Variants in DPP9 observed in about 807,000 individuals in gnomAD.
DPP9 encodes the protein dipeptidyl peptidase 9, also known as dipeptidyl peptidase IV-related protein-2.
Under a neutral mutation model 110.7 loss-of-function variants are expected in DPP9, and 50 were observed. That is an observed-to-expected ratio of 0.45 (90% CI 0.36 to 0.57). The LOEUF (loss-of-function observed/expected upper bound fraction) is 0.57, where lower values mean the gene tolerates loss of function less well. Among genes scored for constraint, DPP9 ranks in the 20% least tolerant of loss-of-function variants. The pLI is 0.00. For synonymous variants in DPP9, 561 were observed against 514.4 expected, an observed-to-expected ratio of 1.09 and a Z score of -1.23; for missense variants, 1,022 against 1,217.9, an observed-to-expected ratio of 0.84 and a Z score of 2.39.
intron 4 of DPP9, among the ~76,000 whole-genome samples, chr19:4,708,405 C>T (rs907013445): frequency 3.9e-4 from 60 of 152,232 alleles, no homozygotes; most frequent in African/African-American, 1.4e-3. Flanking sequence ...CCAGCCCCAT[C>T]TGGGGACGGT....
intron 2 of DPP9, 80 bp downstream of exon 2, chr19:4,722,419 T>C (rs2093362660): frequency 2.9e-6 from 2 of 678,668 alleles, no homozygotes; most frequent in South Asian, 3.1e-5. Flanking sequence ...CCTGCCCATG[T>C]CTATATTCTA....
chr19:4,696,479 G>T (rs1290398619), intron 11 of DPP9, among the ~76,000 whole-genome samples: 1 of 147,282 alleles, frequency 6.8e-6, no homozygotes, highest in African/African-American at 2.5e-5. Flanking sequence ...AAAAAAAAAA[G>T]TCCAGGCACA....
chr19:4,681,813 G>A (rs1474130105), intron 20 of DPP9, among the ~76,000 whole-genome samples: 1 of 147,144 alleles, frequency 6.8e-6, no homozygotes. Flanking sequence ...CAATCCTCCT[G>A]CCTTGGCCTC....
rs1265674054 is a variant in DPP9 at position 4,694,688 on chromosome 19, A to T, written c.1489T>A (p.Trp497Arg). The T allele has an allele frequency of 6.2e-7, 1 of 1,612,626 alleles. No homozygotes were observed. ...TAVLKSQGYD[W>R]SEPFSPGEDE... ...TCCCCGGGGCTGAAGGGCTCACTCC[A>T]ATCGTAGCCCTGGGATTTTAAAACG... Residue 497 changes from tryptophan to arginine, a missense_variant, in exon 13 of 22, where the codon TGG becomes AGG. By Grantham distance (101) the Trp-to-Arg change is moderately radical (BLOSUM62 -3). Around this residue, in one of 3 missense-constraint regions of DPP9, gnomAD observed 810 missense variants for 920.6 expected, o/e 0.88. Coordinates refer to ENST00000262960, the MANE Select transcript of DPP9 (RefSeq NM_139159.5). This position sits in a 1 kb window ranked among gnomAD's most constrained non-coding sequence, Gnocchi z 4.0.
chr19:4,714,364 G>T (rs767265987), intron 3 of DPP9, 27 bp from the exon 4 acceptor site: 15 of 1,466,444 alleles, frequency 1.0e-5, no homozygotes, highest in Non-Finnish European at 1.4e-5. Flanking sequence ...AAGACTATGA[G>T]AAAGGAGAAC....
At position 4,685,612 on chromosome 19, in the gene DPP9, A is replaced by G. The variant is rs951314446; in HGVS notation, c.2031+14T>C. On this transcript the variant is annotated intron_variant, in intron 17 of 21. Transcript: ENST00000262960. The surrounding 1 kb of genome is among the most constrained non-coding windows in gnomAD (Gnocchi z 5.8). The stretch of plus-strand genomic sequence containing the variant: ...ATGGTGGGGTGGGGGCCTGGGGAGC[A>G]GGTGTGCACTCACCTGGGGGCCTCC... 6 of 1,596,032 alleles carry G rather than the reference A, an allele frequency of 3.8e-6. No individual in the cohort carries two copies. In the Admixed American group the frequency reaches 1.1e-4, roughly 28 times the overall value.
At chr19:4,683,896 A>T (rs2090293757) in intron 18 of DPP9, 2 of 1,306,240 alleles carry the variant, frequency 1.5e-6, no homozygotes, top group Admixed American at 4.3e-5. Context: ...CCCATCCCTA[A>T]TAAAGGGACA....
chr19:4,680,145 G>A (rs1032375801), intron 20 of DPP9, among the ~76,000 whole-genome samples, 199 bp from the exon 21 acceptor site: 3 of 151,542 alleles, frequency 2.0e-5, no homozygotes, highest in East Asian at 1.9e-4. Context: ...GCTGAGGCAG[G>A]AGAACTGCTT....
At chr19:4,713,258 GGC>G (rs1421472175) in intron 4 of DPP9, among the ~76,000 whole-genome samples, 1 of 152,234 alleles carries the variant, frequency 6.6e-6, no homozygotes. Flanking sequence ...ACACAGGCCT[GGC>G]TGATCTCTCC....
rs1187428055 is a variant in DPP9 at position 4,710,056 on chromosome 19, A to AC, written c.313+4024dup. Among the ~76,000 whole-genome samples the AC allele has an allele frequency of 6.6e-6, 1 of 152,186 alleles. No individual in the cohort carries two copies. The highest frequency in any genetic ancestry group is 1.5e-5 in the Non-Finnish European group (1 of 68,030). ...GCCTTTGAGGCAAGGGCTAGAGGTG[A>AC]CCGCCAAGGGCTGTGGATTTCTGCT... On this transcript the variant is annotated intron_variant, in intron 4 of 21. Coordinates refer to ENST00000262960, the MANE Select transcript of DPP9 (RefSeq NM_139159.5). The surrounding 1 kb of genome is among the most constrained non-coding windows in gnomAD (Gnocchi z 5.6).
chr19:4,720,775 T>A (rs1321003527), intron 2 of DPP9, among the ~76,000 whole-genome samples: 4 of 152,100 alleles, frequency 2.6e-5, no homozygotes, highest in Non-Finnish European at 4.4e-5. Flanking sequence ...CCACCTCAAA[T>A]GTCAGCAATG....
In DPP9 at chr19:4,685,498, C is replaced by T; in HGVS notation, c.2031+128G>A. 2 of 1,091,020 alleles carry T rather than the reference C, an allele frequency of 1.8e-6. No homozygotes were observed. The highest frequency in any genetic ancestry group is 2.6e-6 in the Non-Finnish European group (2 of 755,506). The allele number at this position is 1,091,020 out of a possible 1,614,324, so 67.6% of individuals were successfully genotyped here. On this transcript the variant is annotated intron_variant, in intron 17 of 21. Coordinates refer to ENST00000262960, the MANE Select transcript of DPP9 (RefSeq NM_139159.5). The surrounding 1 kb of genome is among the most constrained non-coding windows in gnomAD (Gnocchi z 5.8). Reference sequence around the variant, plus strand: ...GTGTAGTCAGGGCAGGCGGGGTGGGCTGGGGCACCAGGCAGGTAGCCGGGG... The same window carrying T: ...GTGTAGTCAGGGCAGGCGGGGTGGGTTGGGGCACCAGGCAGGTAGCCGGGG...
intron 4 of DPP9, among the ~76,000 whole-genome samples, chr19:4,708,794 G>A (rs2092702779): frequency 1.3e-5 from 2 of 152,226 alleles, no homozygotes; most frequent in African/African-American, 4.8e-5. Context: ...AGGGTGGAGG[G>A]TGGAGGGGGA....
chr19:4,677,854 G>A (rs2089102690), intron 21 of DPP9, among the ~76,000 whole-genome samples: 1 of 152,180 alleles, frequency 6.6e-6, no homozygotes, highest in Admixed American at 6.5e-5. Flanking sequence ...TCCCCAATGA[G>A]CTTCCAGACC....
rs182103254 is a variant in DPP9 at position 4,694,762 on chromosome 19, C to T, written c.1415G>A (p.Arg472His). 23 of 1,613,852 alleles carry T rather than the reference C, an allele frequency of 1.4e-5. No homozygotes were observed. In the East Asian group the frequency reaches 2.9e-4, roughly 20 times the overall value. ...SEGEDELCFL[R>H]ANECKTGFCH... ...GAAGCCGGTCTTGCATTCATTGGCG[C>T]GGAGAAAGCAGAGCTCGTCCTCTCC... is the stretch of plus-strand genomic sequence containing the variant. Residue 472 changes from arginine (R) to histidine (H), a missense_variant, in exon 13 of 22, where the codon CGC (arginine) becomes CAC (histidine). Arg to His is a conservative substitution (Grantham distance 29). Transcript: ENST00000262960. The surrounding 1 kb of genome is among the most constrained non-coding windows in gnomAD (Gnocchi z 4.0).
rs1353815129 is a variant in DPP9 at position 4,718,202 on chromosome 19, G to C, written c.56+1649C>G. Among the ~76,000 whole-genome samples, 1 of 152,166 alleles carries C rather than the reference G, an allele frequency of 6.6e-6. No individual in the cohort carries two copies. Among genetic ancestry groups the C allele is most frequent in the Non-Finnish European group, 1.5e-5 (1 of 68,038 alleles). On this transcript the variant is annotated intron_variant, in intron 3 of 21. Coordinates refer to ENST00000262960, the MANE Select transcript of DPP9 (RefSeq NM_139159.5). This position sits in a 1 kb window ranked among gnomAD's most constrained non-coding sequence, Gnocchi z 4.3. ...AGCAAATAGCTGGGATGAGAGGGGT[G>C]CAAGCCACCGTGCCCAGCTCCAAAG...
rs2091125008 is a variant in DPP9 at position 4,689,613 on chromosome 19, C to T, written c.1706G>A (p.Arg569His). 6 of 1,573,566 alleles carry T rather than the reference C, an allele frequency of 3.8e-6. No individual in the cohort carries two copies. Among genetic ancestry groups the T allele is most frequent in the Middle Eastern group, 1.7e-4 (1 of 5,912 alleles). Residue 569 changes from arginine to histidine, a missense_variant, in exon 15 of 22, where the codon CGC (arginine) becomes CAC (histidine). Physicochemically the swap from Arg to His is conservative, Grantham distance 29. Transcript: ENST00000262960. The surrounding 1 kb of genome is among the most constrained non-coding windows in gnomAD (Gnocchi z 7.0). The stretch of plus-strand genomic sequence containing the variant: ...ATGGGAGAAGCCGGGCGTGGTGAGG[C>T]GTACGATCTCGCCGGCCGCCTCATA... ...VSYEAAGEIV[R>H]LTTPGFSHSC...
At chr19:4,701,068 T>C (rs1415233260) in intron 9 of DPP9, among the ~76,000 whole-genome samples, 1 of 152,200 alleles carries the variant, frequency 6.6e-6, no homozygotes, top group Admixed American at 6.5e-5. Context: ...GATGCTCTTA[T>C]ATGGTCCCAT....
intron 4 of DPP9, among the ~76,000 whole-genome samples, chr19:4,711,515 G>A (rs2092827670): frequency 6.6e-6 from 1 of 152,114 alleles, no homozygotes; most frequent in Non-Finnish European, 1.5e-5. Context: ...GCTTACGCCT[G>A]TAATCTCAGC....
Sources: allele counts gnomAD v4.1 joint callset (sites outside exome capture counted in the v4.1 genomes callset), GRCh38; gene constraint gnomAD v4.1.1; regional missense constraint gnomAD v4.1.1; non-coding constraint Gnocchi (gnomAD v3.1); transcripts MANE v1.5; gene names NCBI Gene and HGNC (gene_info 2026-07-23, HGNC 2026-07-21).